Variants in ARHGAP29 observed in about 807,000 individuals in gnomAD.
The protein encoded by ARHGAP29 is rho GTPase-activating protein 29.
ARHGAP29 carries 43 observed loss-of-function variants against 122.6 expected under a neutral mutation model. That is an observed-to-expected ratio of 0.35 (90% CI 0.27 to 0.45). The LOEUF is 0.45. ARHGAP29 is among the 20% of genes least tolerant of loss of function. The probability of loss-of-function intolerance (pLI) is 1.00; values close to 1 mark genes in which losing one functional copy is unlikely to be tolerated. For missense variants in ARHGAP29, 1,303 were observed against 1,477.2 expected (o/e 0.88, Z 1.93); for synonymous variants, 506 against 497.1 (o/e 1.02, Z -0.24).
At chr1:94,291,409 T>C in the ARHGAP29 span, among the ~76,000 whole-genome samples, 3 of 152,254 alleles carry the variant, frequency 2.0e-5, no homozygotes, top group Non-Finnish European at 4.4e-5. Context: ...TTATCCAATT[T>C]GCTAATCTGT....
intron 9 of ARHGAP29, 26 bp downstream of exon 9, chr1:94,203,074 C>G: frequency 6.3e-7 from 1 of 1,599,614 alleles, no homozygotes; most frequent in Non-Finnish European, 8.5e-7. Context: ...AATAAAAGTG[C>G]ATTATACATA....
At chr1:94,206,516 T>C (rs1261284018) in intron 5 of ARHGAP29, among the ~76,000 whole-genome samples, 1 of 152,210 alleles carries the variant, frequency 6.6e-6, no homozygotes, top group African/African-American at 2.4e-5. Flanking sequence ...AAAAGAGGGA[T>C]AAGAACACTA....
In ARHGAP29 at chr1:94,256,609, G is replaced by C. The variant is rs188734440; in HGVS notation, c.-33+18403C>G. On this transcript the variant is annotated intron_variant and NMD_transcript_variant, in intron 1 of 25. Transcript: ENST00000552844. ...GTCTCGCTCTGTCTCCCAGGCTGGAGTGCAGTGGCGCGATTCTCGGCTCAC... is the reference window on the plus strand; with the variant it reads ...GTCTCGCTCTGTCTCCCAGGCTGGACTGCAGTGGCGCGATTCTCGGCTCAC... Among the ~76,000 whole-genome samples the C allele has an allele frequency of 5.2e-3, 632 of 120,466 alleles. 4 individuals are homozygous for C. Among genetic ancestry groups the C allele is most frequent in the African/African-American group, 0.019 (611 of 31,610 alleles). 79.0% of individuals were successfully genotyped at this position (120,466 alleles called of 152,430 possible). A position where few individuals can be genotyped will look rare whatever the true frequency, so the allele number is the denominator to read the frequency against.
chr1:94,251,351 A>C (rs1476754041), intron 1 of ARHGAP29, among the ~76,000 whole-genome samples: 2 of 151,286 alleles, frequency 1.3e-5, no homozygotes, highest in East Asian at 3.9e-4. Context: ...TTGTATTTTT[A>C]ATAGAGGCGG....
At chr1:94,175,209 T>C (rs1649013847) in intron 22 of ARHGAP29, among the ~76,000 whole-genome samples, 1 of 152,218 alleles carries the variant, frequency 6.6e-6, no homozygotes, top group Non-Finnish European at 1.5e-5. Context: ...AGTGAGAGCA[T>C]ATGATATTAG....
At chr1:94,189,722 T>C (rs1570505706) in intron 13 of ARHGAP29, among the ~76,000 whole-genome samples, 2 of 152,288 alleles carry the variant, frequency 1.3e-5, no homozygotes, top group East Asian at 3.9e-4. Context: ...AAAAGAAGTC[T>C]GTGTCAAAAT....
chr1:94,264,209 T>C (rs1461999444), intron 1 of ARHGAP29, among the ~76,000 whole-genome samples: 3 of 152,182 alleles, frequency 2.0e-5, no homozygotes, highest in Non-Finnish European at 2.9e-5. Context: ...TGGCAACCCT[T>C]GATTTCTTTC....
At chr1:94,306,907 G>A in the ARHGAP29 span, among the ~76,000 whole-genome samples, 1 of 152,156 alleles carries the variant, frequency 6.6e-6, no homozygotes, top group South Asian at 2.1e-4. Context: ...TATACAATAT[G>A]AAGTTCAGTT....
chr1:94,177,516 G>A, intron 22 of ARHGAP29, 96 bp downstream of exon 22: 2 of 860,340 alleles, frequency 2.3e-6, no homozygotes, highest in Non-Finnish European at 3.5e-6. Context: ...TTCATTCTCT[G>A]GCTTCCCTCA....
chr1:94,283,879 G>A, the ARHGAP29 span, among the ~76,000 whole-genome samples: 13 of 152,150 alleles, frequency 8.5e-5, no homozygotes, highest in African/African-American at 2.9e-4. Context: ...ATCTTTATCG[G>A]TACCCAGAGA....
At chr1:94,284,731 C>T in the ARHGAP29 span, among the ~76,000 whole-genome samples, 3 of 152,182 alleles carry the variant, frequency 2.0e-5, no homozygotes, top group Admixed American at 6.5e-5. Context: ...ACTGATACTC[C>T]GAGATTGTTT....
intron 1 of ARHGAP29, among the ~76,000 whole-genome samples, chr1:94,251,779 G>A (rs1654106134): frequency 6.6e-6 from 1 of 152,082 alleles, no homozygotes; most frequent in Admixed American, 6.5e-5. Context: ...TTATTGACAT[G>A]TTCCTTGACT....
chr1:94,257,561 T>A (rs1193675319), intron 1 of ARHGAP29, among the ~76,000 whole-genome samples: 1 of 151,672 alleles, frequency 6.6e-6, no homozygotes, highest in Non-Finnish European at 1.5e-5. Context: ...AAAAAAAAAA[T>A]TAACTGAGCA....
chr1:94,283,366 T>G, the ARHGAP29 span, among the ~76,000 whole-genome samples: 7 of 152,180 alleles, frequency 4.6e-5, no homozygotes, highest in South Asian at 8.3e-4. Context: ...TAGAGAAGTC[T>G]TGGAAGGTGC....
chr1:94,251,340 A>G (rs1331745918), intron 1 of ARHGAP29, among the ~76,000 whole-genome samples: 1 of 151,466 alleles, frequency 6.6e-6, no homozygotes, highest in Non-Finnish European at 1.5e-5. Flanking sequence ...CGGCTAATTT[A>G]TTGTATTTTT....
intron 1 of ARHGAP29, among the ~76,000 whole-genome samples, chr1:94,235,547 G>A (rs980247968): frequency 6.6e-6 from 1 of 152,122 alleles, no homozygotes; most frequent in Non-Finnish European, 1.5e-5. Context: ...AGTGGATTGT[G>A]AGCAAGAAAT....
chr1:94,269,088 A>T (rs1186469485), intron 1 of ARHGAP29, among the ~76,000 whole-genome samples: 1 of 152,186 alleles, frequency 6.6e-6, no homozygotes, highest in Non-Finnish European at 1.5e-5. Context: ...TTCTAAAGAA[A>T]TAGCTATTTC....
the ARHGAP29 span, among the ~76,000 whole-genome samples, chr1:94,306,274 C>T: frequency 4.6e-5 from 7 of 152,270 alleles, no homozygotes; most frequent in South Asian, 4.1e-4. Context: ...GGAAAGACTG[C>T]GTTCTTTCCC....
In ARHGAP29 at chr1:94,256,536, C is replaced by CTTT. The variant is rs530295333; in HGVS notation, c.-33+18473_-33+18475dup. ...CAGAAATAGATTTAACAGTACTAAT[C>CTTT]TTTTTTTTTTTTTTTTTTTTTTTTT... On this transcript the variant is annotated intron_variant and NMD_transcript_variant, in intron 1 of 25. Transcript: ENST00000552844. 8.2e-4 allele frequency among the ~76,000 whole-genome samples: 37 copies of CTTT among 45,330 alleles called. 12 individuals are homozygous for CTTT. Among genetic ancestry groups the CTTT allele is most frequent in the East Asian group, 2.6e-3 (2 of 780 alleles). The allele number at this position is 45,330 out of a possible 152,430, so 29.7% of individuals were successfully genotyped here.
Sources: allele counts gnomAD v4.1 joint callset (sites outside exome capture counted in the v4.1 genomes callset), GRCh38; gene constraint gnomAD v4.1.1; transcripts MANE v1.5; gene names NCBI Gene and HGNC (gene_info 2026-07-23, HGNC 2026-07-21).